CNOT2: variants seen among roughly 807,000 people sequenced by gnomAD.
CNOT2 encodes the protein CCR4-NOT transcription complex subunit 2, also known as CC chemokine receptor 4-negative regulator of transcription 2.
In CNOT2, 7 loss-of-function variants were observed where a neutral mutation model predicts 72.1. The observed-to-expected ratio is 0.10, with a 90% confidence interval of 0.06 to 0.18. The LOEUF is 0.18. CNOT2 is among the 10% of genes least tolerant of loss of function. The pLI is 1.00. For synonymous variants in CNOT2, 196 were observed against 225.6 expected, an observed-to-expected ratio of 0.87 and a Z score of 1.17; for missense variants, 345 against 660.3, an observed-to-expected ratio of 0.52 and a Z score of 5.23.
At chr12:70,320,125 T>G (rs2135987722) in intron 4 of CNOT2, among the ~76,000 whole-genome samples, 1 of 151,822 alleles carries the variant, frequency 6.6e-6, no homozygotes, top group Admixed American at 6.6e-5. Context: ...ATCTCCCATT[T>G]CTGTTAATGT....
chr12:70,328,074 A>G (rs546674178), intron 4 of CNOT2, among the ~76,000 whole-genome samples: 1 of 152,052 alleles, frequency 6.6e-6, no homozygotes, highest in South Asian at 2.1e-4. Context: ...CCCTTAAAGT[A>G]TCTTACAGAA....
intron 2 of CNOT2, among the ~76,000 whole-genome samples, chr12:70,300,554 G>T (rs1211957901): frequency 6.6e-6 from 1 of 152,212 alleles, no homozygotes; most frequent in East Asian, 1.9e-4. Context: ...ATTTCTGAGG[G>T]CTCTGTTCTG....
At chr12:70,334,546 A>G (rs1208507603) in intron 7 of CNOT2, 1 of 152,092 alleles carries the variant, frequency 6.6e-6, no homozygotes, top group African/African-American at 2.4e-5. Context: ...GAAAATGGTA[A>G]AACAAAAATT....
At chr12:70,256,135 A>T (rs1325435093) in intron 1 of CNOT2, among the ~76,000 whole-genome samples, 1 of 152,212 alleles carries the variant, frequency 6.6e-6, no homozygotes, top group Non-Finnish European at 1.5e-5. Context: ...CCTAAGCTTT[A>T]TGATGAAGAA....
chr12:70,287,759 G>A (rs1871156648), intron 2 of CNOT2, among the ~76,000 whole-genome samples: 1 of 149,926 alleles, frequency 6.7e-6, no homozygotes, highest in Admixed American at 6.8e-5. Flanking sequence ...ATTGGAAGTT[G>A]TCACATATTA....
chr12:70,292,215 C>A (rs938112362), intron 2 of CNOT2, among the ~76,000 whole-genome samples: 1 of 152,134 alleles, frequency 6.6e-6, no homozygotes, highest in Admixed American at 6.5e-5. Flanking sequence ...AAGACTACAT[C>A]AGCTCTGTGG....
intron 2 of CNOT2, among the ~76,000 whole-genome samples, chr12:70,308,555 T>TTCTTTCTCTC (rs1555199527): frequency 0.034 from 4,517 of 133,308 alleles, 110 homozygotes; most frequent in Admixed American, 0.094. Flanking sequence ...TTGGTATATT[T>TTCTTTCTCTC]TCTCTCTCTC....
chr12:70,279,569 A>T lies in CNOT2; in HGVS notation c.48+1295A>T, dbSNP rs190252001. Among the ~76,000 whole-genome samples, 62 of 152,284 alleles carry T rather than the reference A, an allele frequency of 4.1e-4. No individual in the cohort carries two copies. In the East Asian group the frequency reaches 0.011, roughly 26 times the overall value. ...CAGGTGTAGCTCCTGCTTCCCACCC[A>T]CTTCCAATTACCTTGACTCATAAGA... On this transcript the variant is annotated intron_variant, in intron 2 of 15. Transcript: ENST00000229195.
intron 11 of CNOT2, among the ~76,000 whole-genome samples, chr12:70,339,954 T>C (rs948810150): frequency 1.3e-5 from 2 of 152,216 alleles, no homozygotes; most frequent in African/African-American, 2.4e-5. Flanking sequence ...TTTCACACTT[T>C]GTTGGGTCAT....
Position 70,329,491 on chromosome 12 carries a change from G to A in CNOT2, c.307G>A (p.Gly103Ser). ...TPQLNRSLSQ[G>S]TQLPSHVTPT... ...TCAGTTAAATCGCAGCTTATCACAA[G>A]GCACTCAGTTACCGAGCCACGTCAC... Residue 103 changes from glycine to serine, a missense_variant, in exon 5 of 16, where the codon GGC (glycine) becomes AGC (serine). By Grantham distance (56) the Gly-to-Ser change is moderately conservative. This residue lies in a region of CNOT2 where 157 missense variants were observed against 235.3 expected (regional missense o/e 0.67). Coordinates refer to ENST00000229195, the MANE Select transcript of CNOT2 (RefSeq NM_014515.7). 1 of 1,611,650 alleles carries A rather than the reference G, an allele frequency of 6.2e-7. No individual in the cohort carries two copies.
chr12:70,311,977 T>C (rs181759365), intron 3 of CNOT2, among the ~76,000 whole-genome samples: 2 of 152,102 alleles, frequency 1.3e-5, no homozygotes, highest in Admixed American at 1.3e-4. Flanking sequence ...CTTAACCTAC[T>C]AGGTTTATGT....
At chr12:70,251,589 G>A (rs1023251017) in intron 1 of CNOT2, among the ~76,000 whole-genome samples, 2 of 152,152 alleles carry the variant, frequency 1.3e-5, no homozygotes, top group Non-Finnish European at 2.9e-5. Flanking sequence ...TCGTGTTTCA[G>A]GGGAAAGTTT....
At chr12:70,335,936 A>G (rs1008855382) in intron 8 of CNOT2, 1 of 163,688 alleles carries the variant, frequency 6.1e-6, no homozygotes, top group African/African-American at 2.4e-5. Context: ...GTGATTAATA[A>G]TGACTGACTA....
intron 2 of CNOT2, among the ~76,000 whole-genome samples, chr12:70,290,343 A>T (rs1871671443): frequency 6.6e-6 from 1 of 151,848 alleles, no homozygotes; most frequent in Non-Finnish European, 1.5e-5. Context: ...TCTCTGTGCC[A>T]GTCATTCTTG....
At chr12:70,305,402 C>T (rs138525950) in intron 2 of CNOT2, among the ~76,000 whole-genome samples, 253 of 152,218 alleles carry the variant, frequency 1.7e-3, no homozygotes, top group African/African-American at 5.1e-3. Flanking sequence ...GTTCCTTCTG[C>T]GACACGTGGG....
At position 70,338,713 on chromosome 12, in the gene CNOT2, A is replaced by G; in HGVS notation, c.1069A>G (p.Met357Val). 6.2e-7 allele frequency: 1 copy of G among 1,613,380 alleles called. No homozygotes were observed. The highest frequency in any genetic ancestry group is 8.5e-7 in the Non-Finnish European group (1 of 1,179,470). The change falls in exon 11 of 16, where the codon ATG becomes GTG. Residue 357 changes from methionine to valine, a missense_variant. By Grantham distance (21) the Met-to-Val change is conservative. Transcript: ENST00000229195. ...AGGGATGGTGACGGACCAATTTGGA[A>G]TGATTGGCCTGTTAACATTTATCAG... is the stretch of plus-strand genomic sequence containing the variant. Reference protein sequence around the residue: ...PQGMVTDQFGMIGLLTFIRAA... With the variant: ...PQGMVTDQFGVIGLLTFIRAA...
intron 2 of CNOT2, among the ~76,000 whole-genome samples, chr12:70,302,253 G>T (rs2135920018): frequency 6.6e-6 from 1 of 151,892 alleles, no homozygotes; most frequent in East Asian, 1.9e-4. Context: ...CTTGCCTTCT[G>T]CTAGCTTTTG....
intron 2 of CNOT2, among the ~76,000 whole-genome samples, chr12:70,284,495 C>T (rs1305771902): frequency 6.6e-6 from 1 of 152,096 alleles, no homozygotes; most frequent in Non-Finnish European, 1.5e-5. Context: ...ATCTCCCTGC[C>T]TTGGCCTCCC....
intron 1 of CNOT2, among the ~76,000 whole-genome samples, chr12:70,261,991 G>A (rs1376069119): frequency 6.6e-6 from 1 of 151,890 alleles, no homozygotes; most frequent in African/African-American, 2.4e-5. Context: ...TAATTTGTTA[G>A]TATTCAGTTC....
Sources: gnomAD v4.1 joint callset for allele counts (sites outside exome capture counted in the v4.1 genomes callset) on GRCh38, gnomAD v4.1.1 for gene constraint, gnomAD v4.1.1 regional missense constraint, MANE v1.5 for transcripts, NCBI Gene and HGNC (gene_info 2026-07-23, HGNC 2026-07-21) for gene names.